ATM: variants seen among roughly 807,000 people sequenced by gnomAD.
The protein encoded by ATM is ATM serine/threonine kinase.
ATM carries 308 observed loss-of-function variants against 387.0 expected under a neutral mutation model. The ratio of observed to expected loss-of-function variants is 0.80; its 90% CI spans 0.73 to 0.87. The LOEUF is 0.87. Among genes scored for constraint, ATM ranks in the 40% least tolerant of loss-of-function variants. The pLI is 0.00. For synonymous variants in ATM, 1,156 were observed against 1,187.3 expected (o/e 0.97, Z 0.54); for missense variants, 3,312 against 3,560.9 (o/e 0.93, Z 1.78).
intron 14 of ATM, among the ~76,000 whole-genome samples, chr11:108,256,713 T>C (rs953805597): frequency 1.3e-5 from 2 of 152,094 alleles, no homozygotes; most frequent in African/African-American, 4.8e-5. Flanking sequence ...TTCCCCTCCC[T>C]GTGTCCATGT....
chr11:108,330,445 T>C lies in ATM; in HGVS notation c.7515+24T>C, dbSNP rs769672312. On this transcript the variant is annotated intron_variant, in intron 50 of 62. Coordinates refer to ENST00000675843, the MANE Select transcript of ATM (RefSeq NM_000051.4). ...AGGCAAGTGTTACTCAGCCCAATAT[T>C]CTACCCTGTGCTTGAAAAACTTAGA... 1.3e-5 allele frequency: 21 copies of C among 1,611,738 alleles called. 1 individual carries two copies. In the South Asian group the frequency reaches 2.3e-4, roughly 18 times the overall value.
chr11:108,365,196 C>A lies in ATM; in HGVS notation c.8965C>A (p.Gln2989Lys), dbSNP rs147695170. The change falls in exon 62 of 63, where the codon CAA becomes AAA. Residue 2989 changes from glutamine to lysine, a missense_variant. This residue lies in a region of ATM where 95 missense variants were observed against 100.3 expected (regional missense o/e 0.95). Transcript: ENST00000675843. ...ELHPTLNADD[Q>K]ECKRNLSDID... Reference sequence around the variant, plus strand: ...TCACCCTACTCTGAATGCAGATGACCAAGAATGCAAACGAAATCTCAGGTG... The same window carrying A: ...TCACCCTACTCTGAATGCAGATGACAAAGAATGCAAACGAAATCTCAGGTG... 6.2e-7 allele frequency: 1 copy of A among 1,614,148 alleles called. No individual in the cohort carries two copies. Among genetic ancestry groups the A allele is most frequent in the Non-Finnish European group, 8.5e-7 (1 of 1,180,022 alleles).
intron 54 of ATM, 84 bp from the exon 55 acceptor site, chr11:108,334,885 T>G: frequency 5.4e-6 from 8 of 1,471,944 alleles, no homozygotes; most frequent in Non-Finnish European, 7.6e-6. Context: ...TGTTTAATAT[T>G]AAAATTGCCA....
chr11:108,269,817 G>A (rs1480990925), intron 18 of ATM, among the ~76,000 whole-genome samples: 1 of 152,172 alleles, frequency 6.6e-6, no homozygotes, highest in East Asian at 1.9e-4. Context: ...GAAAATGCAC[G>A]TCAATCCCTT....
intron 16 of ATM, among the ~76,000 whole-genome samples, chr11:108,263,161 C>A (rs1056412048): frequency 1.4e-5 from 2 of 147,624 alleles, no homozygotes; most frequent in Admixed American, 6.7e-5. Flanking sequence ...GAACTCTCCA[C>A]CCCAAATCAA....
At chr11:108,230,580 A>T (rs1238853655) in intron 4 of ATM, 1 of 152,200 alleles carries the variant, frequency 6.6e-6, no homozygotes, top group Non-Finnish European at 1.5e-5. Flanking sequence ...CACTTTCTTC[A>T]GCTCACGTGA....
chr11:108,227,470 C>G (rs1591444966), intron 1 of ATM, 125 bp from the exon 2 acceptor site: 1 of 610,924 alleles, frequency 1.6e-6, no homozygotes, highest in Non-Finnish European at 2.9e-6. Context: ...TCTAATTGTA[C>G]AGTTAAATCT....
At chr11:108,342,083 T>G (rs1434504103) in intron 56 of ATM, among the ~76,000 whole-genome samples, 1 of 152,066 alleles carries the variant, frequency 6.6e-6, no homozygotes, top group East Asian at 1.9e-4. Flanking sequence ...ATTATGAGAT[T>G]TTTTTTGCAG....
intron 38 of ATM, chr11:108,309,163 T>A (rs1157729242): frequency 1.5e-6 from 1 of 677,358 alleles, no homozygotes. Context: ...TGTTATCCTG[T>A]ACAGTATGTT....
rs3092825 is a variant in ATM at position 108,279,625 on chromosome 11, T to C, written c.3402+17T>C. 2.9e-4 allele frequency: 458 copies of C among 1,554,192 alleles called. 3 individuals carry two copies. The Middle Eastern group carries it at 0.012, about 41-fold the overall frequency. On this transcript the variant is annotated intron_variant, in intron 23 of 62. Transcript: ENST00000675843. The stretch of plus-strand genomic sequence containing the variant: ...AGAGAAATGGTAATTTTAAGTAACA[T>C]GTATTTGCTGTTATCATATGCTTGC...
intron 26 of ATM, among the ~76,000 whole-genome samples, chr11:108,284,799 C>G (rs1263967625): frequency 1.3e-5 from 2 of 152,182 alleles, no homozygotes; most frequent in Admixed American, 1.3e-4. Flanking sequence ...GAATACTAAA[C>G]AGTGTACAGA....
At chr11:108,255,269 T>G (rs560904803) in intron 13 of ATM, among the ~76,000 whole-genome samples, 5 of 152,162 alleles carry the variant, frequency 3.3e-5, no homozygotes, top group Non-Finnish European at 7.3e-5. Flanking sequence ...GACATTCTTC[T>G]GCACCACAAT....
In ATM at chr11:108,261,653, GAGA is replaced by G. The variant is rs1422105919; in HGVS notation, c.2466+2584_2466+2586del. ...ATGGAGAATGACTTTGACGAGCTGA[GAGA>G]AGAAGGCTTCAGACGATCAAATTAC... On this transcript the variant is annotated intron_variant, in intron 16 of 62. Transcript: ENST00000675843. Among the ~76,000 whole-genome samples, 6 of 152,284 alleles carry G rather than the reference GAGA, an allele frequency of 3.9e-5. No homozygotes were observed. The East Asian group carries it at 9.6e-4, about 24-fold the overall frequency.
At chr11:108,330,509 T>C (rs1216691053) in intron 50 of ATM, 88 bp downstream of exon 50, 29 of 1,333,926 alleles carry the variant, frequency 2.2e-5, no homozygotes, top group Non-Finnish European at 2.8e-5. Context: ...TATACCTCTT[T>C]GTATTCCTAG....
chr11:108,286,313 A>C (rs976389446), intron 26 of ATM, among the ~76,000 whole-genome samples: 2 of 28,620 alleles, frequency 7.0e-5, no homozygotes, highest in African/African-American at 3.9e-4. Context: ...ATTTCGTCTC[A>C]AAAAAAAAAA....
chr11:108,289,699 T>G lies in ATM; in HGVS notation c.4334T>G (p.Phe1445Cys). The change falls in exon 29 of 63, where the codon TTT (phenylalanine) becomes TGT (cysteine). Residue 1445 changes from phenylalanine (F) to cysteine (C), a missense_variant. Coordinates refer to ENST00000675843, the MANE Select transcript of ATM (RefSeq NM_000051.4). ...AGAATTCTTAAAATATATCACCTGT[T>G]TGTTAGTTTATTACTGAAAGATATA... ...KHRILKIYHL[F>C]VSLLLKDIKS... 6.2e-7 allele frequency: 1 copy of G among 1,613,588 alleles called. No homozygotes were observed. The highest frequency in any genetic ancestry group is 8.5e-7 in the Non-Finnish European group (1 of 1,179,844).
intron 61 of ATM, chr11:108,355,843 T>TAA (rs1392607666): frequency 6.6e-6 from 1 of 152,238 alleles, no homozygotes; most frequent in Non-Finnish European, 1.5e-5. Context: ...GGTGGGGCTT[T>TAA]ATCCCTTGGA....
In ATM at chr11:108,289,744, C is replaced by T. The variant is rs376165779; in HGVS notation, c.4379C>T (p.Ala1460Val). Residue 1460 changes from alanine (A) to valine (V), a missense_variant, in exon 29 of 63, where the codon GCT becomes GTT. Transcript: ENST00000675843. The part of the protein sequence containing the change: ...LKDIKSGLGG[A>V]WAFVLRDVIY... ...GATATAAAAAGTGGCTTAGGAGGAG[C>T]TTGGGCCTTTGTTCTTCGAGACGTT... The T allele has an allele frequency of 6.2e-7, 1 of 1,613,696 alleles. No individual in the cohort carries two copies. The highest frequency in any genetic ancestry group is 8.5e-7 in the Non-Finnish European group (1 of 1,179,962).
chr11:108,273,220 G>A (rs2081708649), intron 22 of ATM, among the ~76,000 whole-genome samples: 1 of 151,246 alleles, frequency 6.6e-6, no homozygotes, highest in Admixed American at 6.6e-5. Flanking sequence ...TTTACATTGT[G>A]CTAATTACAA....
Sources: allele counts gnomAD v4.1 joint callset (sites outside exome capture counted in the v4.1 genomes callset), GRCh38; gene constraint gnomAD v4.1.1; regional missense constraint gnomAD v4.1.1; transcripts MANE v1.5; gene names NCBI Gene and HGNC (gene_info 2026-07-23, HGNC 2026-07-21).